The following STK33 variants were observed in gnomAD, a reference collection of about 807,000 sequenced individuals.
STK33 encodes serine/threonine-protein kinase 33.
Under a neutral mutation model 58.0 loss-of-function variants are expected in STK33, and 52 were observed. That is an observed-to-expected ratio of 0.90 (90% CI 0.72 to 1.13). The LOEUF (loss-of-function observed/expected upper bound fraction) is 1.13, where lower values mean the gene tolerates loss of function less well. STK33 is among the 50% of genes most tolerant of loss of function. The pLI is 0.00. For missense variants in STK33, 630 were observed against 604.2 expected, an observed-to-expected ratio of 1.04 and a Z score of -0.45; for synonymous variants, 215 against 200.1, an observed-to-expected ratio of 1.07 and a Z score of -0.63.
chr11:8,367,800 T>C, the STK33 span, among the ~76,000 whole-genome samples: 2 of 152,144 alleles, frequency 1.3e-5, no homozygotes, highest in Non-Finnish European at 2.9e-5. Flanking sequence ...GATTTGAACA[T>C]ACACTCATAC....
At chr11:8,398,349 T>C (rs1380920291) in intron 15 of STK33, among the ~76,000 whole-genome samples, 1 of 152,148 alleles carries the variant, frequency 6.6e-6, no homozygotes, top group East Asian at 1.9e-4. Context: ...CAATTTCATA[T>C]CCAGCCAAAC....
chr11:8,378,897 T>C, the STK33 span, among the ~76,000 whole-genome samples: 2 of 152,104 alleles, frequency 1.3e-5, no homozygotes, highest in South Asian at 4.1e-4. Flanking sequence ...CAAATTATAC[T>C]ACAAGGCTAT....
At chr11:8,383,420 C>T in the STK33 span, among the ~76,000 whole-genome samples, 2 of 152,162 alleles carry the variant, frequency 1.3e-5, no homozygotes, top group Admixed American at 1.3e-4. Context: ...TAGGGAGCCC[C>T]CAACCCCAGG....
At chr11:8,370,683 T>C in the STK33 span, among the ~76,000 whole-genome samples, 3 of 150,928 alleles carry the variant, frequency 2.0e-5, no homozygotes, top group Non-Finnish European at 2.9e-5. Flanking sequence ...AAAAATCAAC[T>C]GCTGAAGTTG....
chr11:8,574,884 GA>G (rs1194449894), intron 1 of STK33, among the ~76,000 whole-genome samples: 3,044 of 142,574 alleles, frequency 0.021, 38 homozygotes, highest in African/African-American at 0.03. Context: ...ACAAAAAAAG[GA>G]AAAAAAAAAA....
intron 1 of STK33, among the ~76,000 whole-genome samples, chr11:8,526,039 A>T (rs538067342): frequency 2.0e-5 from 3 of 152,308 alleles, no homozygotes; most frequent in African/African-American, 7.2e-5. Flanking sequence ...AAAGTTATAA[A>T]GGCTAGCAAA....
At chr11:8,420,147 T>C (rs774076918) in intron 14 of STK33, among the ~76,000 whole-genome samples, 30 of 152,050 alleles carry the variant, frequency 2.0e-4, no homozygotes, top group Non-Finnish European at 3.8e-4. Flanking sequence ...TAATAATCAA[T>C]GTAAATTATA....
intron 1 of STK33, among the ~76,000 whole-genome samples, chr11:8,514,822 G>T (rs749809065): frequency 7.2e-5 from 11 of 152,136 alleles, no homozygotes; most frequent in Non-Finnish European, 1.3e-4. Context: ...ACAGCCACAT[G>T]ACTAGACAAG....
chr11:8,486,168 T>C (rs1950180553), intron 1 of STK33, among the ~76,000 whole-genome samples: 1 of 152,188 alleles, frequency 6.6e-6, no homozygotes, highest in South Asian at 2.1e-4. Flanking sequence ...ATACTCTTTC[T>C]AATATGCAAA....
At chr11:8,499,809 C>T (rs1181194079) in intron 1 of STK33, among the ~76,000 whole-genome samples, 1 of 152,156 alleles carries the variant, frequency 6.6e-6, no homozygotes, top group African/African-American at 2.4e-5. Context: ...TCTCACCAAA[C>T]TAACACAGGA....
At chr11:8,400,871 T>C (rs1937758996) in intron 15 of STK33, among the ~76,000 whole-genome samples, 1 of 152,136 alleles carries the variant, frequency 6.6e-6, no homozygotes, top group Non-Finnish European at 1.5e-5. Context: ...CCATTCACAA[T>C]TGCTTCAGAT....
In STK33 at chr11:8,517,518, C is replaced by T. The variant is rs181655974; in HGVS notation, c.-465-36904G>A. Reference sequence around the variant, plus strand: ...CAAGTTGAGAGAAGAAGGCTTCAGACGATCGGTAATAACAAACTTCTCCAA... The same window carrying T: ...CAAGTTGAGAGAAGAAGGCTTCAGATGATCGGTAATAACAAACTTCTCCAA... On this transcript the variant is annotated intron_variant, in intron 1 of 15. Transcript: ENST00000687296. Among the ~76,000 whole-genome samples, 27 of 152,234 alleles carry T rather than the reference C, an allele frequency of 1.8e-4. No homozygotes were observed. In the East Asian group the frequency reaches 4.8e-3, roughly 27 times the overall value.
rs1245742341 is a variant in STK33, at chr11:8,480,536, T to C, written c.-387A>G. 1 of 152,112 alleles carries C rather than the reference T, an allele frequency of 6.6e-6. No homozygotes were observed. Among genetic ancestry groups the C allele is most frequent in the Non-Finnish European group, 1.5e-5 (1 of 68,084 alleles). 9.4% of individuals were successfully genotyped at this position (152,112 alleles called of 1,614,324 possible). ...AGAGCAGCATTATTGGAATTTACCC[T>C]GGAGTGGGGAGGGGCGTAGTGAGAT... is the stretch of plus-strand genomic sequence containing the variant. On this transcript the variant is annotated 5_prime_UTR_variant, in exon 2 of 16. Coordinates refer to ENST00000687296, the MANE Select transcript of STK33 (RefSeq NM_001352389.2).
At chr11:8,522,716 A>C (rs548703534) in intron 1 of STK33, among the ~76,000 whole-genome samples, 3 of 152,284 alleles carry the variant, frequency 2.0e-5, no homozygotes, top group African/African-American at 7.2e-5. Context: ...CAGCAAAACA[A>C]AAAAAGGCAA....
chr11:8,529,540 C>G (rs1014519714), intron 1 of STK33, among the ~76,000 whole-genome samples: 4 of 152,128 alleles, frequency 2.6e-5, no homozygotes, highest in African/African-American at 7.2e-5. Flanking sequence ...AGCTCACCCT[C>G]TGACCCTGGG....
rs375626257 is a variant in STK33 at position 8,487,669 on chromosome 11, G to T, written c.-465-7055C>A. Among the ~76,000 whole-genome samples, 294 of 151,980 alleles carry T rather than the reference G, an allele frequency of 1.9e-3. 2 individuals are homozygous for T. The highest frequency in any genetic ancestry group is 6.7e-3 in the African/African-American group (279 of 41,422). On this transcript the variant is annotated intron_variant, in intron 1 of 15. Transcript: ENST00000687296. ...GAGGTCATTTCTTGAAGGGAAGATTGGTCAAAAGCCAAATGGCTCAAAATT... is the reference window on the plus strand; with the variant it reads ...GAGGTCATTTCTTGAAGGGAAGATTTGTCAAAAGCCAAATGGCTCAAAATT...
the STK33 span, among the ~76,000 whole-genome samples, chr11:8,376,911 A>G: frequency 6.6e-6 from 1 of 152,178 alleles, no homozygotes; most frequent in African/African-American, 2.4e-5. Flanking sequence ...TCCCTAGTAT[A>G]GTCTGAAACC....
At chr11:8,345,012 A>G in the STK33 span, among the ~76,000 whole-genome samples, 1 of 152,164 alleles carries the variant, frequency 6.6e-6, no homozygotes, top group Non-Finnish European at 1.5e-5. Flanking sequence ...AATCAGCTCA[A>G]CGTCCCCAGC....
At chr11:8,559,546 T>C (rs1956984992) in intron 1 of STK33, among the ~76,000 whole-genome samples, 1 of 152,244 alleles carries the variant, frequency 6.6e-6, no homozygotes, top group Admixed American at 6.5e-5. Context: ...AGGAGCTTCC[T>C]AAATCTTTGT....
Sources: gnomAD v4.1 joint callset for allele counts (sites outside exome capture counted in the v4.1 genomes callset) on GRCh38, gnomAD v4.1.1 for gene constraint, MANE v1.5 for transcripts, NCBI Gene and HGNC (gene_info 2026-07-23, HGNC 2026-07-21) for gene names.